Variants in MYO10 observed in about 807,000 individuals in gnomAD.
MYO10 encodes myosin X, also known as unconventional myosin-X.
In MYO10, 133 loss-of-function variants were observed where a neutral mutation model predicts 257.3. The ratio of observed to expected loss-of-function variants is 0.52; its 90% confidence interval spans 0.45 to 0.60. MYO10 has a LOEUF of 0.60. Ranked by LOEUF, MYO10 falls within the 20% of genes least tolerant of loss-of-function variation. The pLI is 0.00. For missense variants in MYO10, 2,399 were observed against 2,635.7 expected, an observed-to-expected ratio of 0.91 and a Z score of 1.97; for synonymous variants, 1,104 against 1,028.6, an observed-to-expected ratio of 1.07 and a Z score of -1.40.
At chr5:16,741,845 A>G in intron 19 of MYO10, 1 of 985,420 alleles carries the variant, frequency 1.0e-6, no homozygotes, top group Non-Finnish European at 1.2e-6. Context: ...TCCACTGTAA[A>G]TAGCTGCATC....
At chr5:16,873,329 G>GT (rs1338318830) in intron 2 of MYO10, among the ~76,000 whole-genome samples, 13 of 152,234 alleles carry the variant, frequency 8.5e-5, no homozygotes, top group African/African-American at 3.1e-4. Context: ...TCACACTGCT[G>GT]TAAGAAGTGG....
At chr5:16,861,777 T>C (rs1474667181) in intron 2 of MYO10, among the ~76,000 whole-genome samples, 1 of 152,154 alleles carries the variant, frequency 6.6e-6, no homozygotes, top group Non-Finnish European at 1.5e-5. Context: ...CACTCCGTCT[T>C]GGAGAACTAA....
At chr5:16,776,387 A>T (rs1406487611) in intron 9 of MYO10, among the ~76,000 whole-genome samples, 3 of 152,110 alleles carry the variant, frequency 2.0e-5, no homozygotes, top group Non-Finnish European at 4.4e-5. Flanking sequence ...TTATAGCAAA[A>T]ATGTCATGTT....
In MYO10 at chr5:16,711,249, A is replaced by G. The variant is rs781372558; in HGVS notation, c.1930-4T>C. ...CCTGGTCAAACTGGTCTGGCATCTA[A>G]ACCATGCAAAAAAAAAAGATGGGAT... On this transcript the variant is annotated splice_region_variant and splice_polypyrimidine_tract_variant and intron_variant, in intron 19 of 40. Transcript: ENST00000513610. The G allele has an allele frequency of 1.3e-6, 2 of 1,522,436 alleles. No homozygotes were observed. The highest frequency in any genetic ancestry group is 4.1e-5 in the Admixed American group (2 of 49,266). 94.3% of individuals were successfully genotyped at this position (1,522,436 alleles called of 1,614,324 possible). A position where few individuals can be genotyped will look rare whatever the true frequency, so the allele number is the denominator to read the frequency against.
chr5:16,852,929 G>A (rs901770033), intron 2 of MYO10, among the ~76,000 whole-genome samples: 4 of 152,090 alleles, frequency 2.6e-5, no homozygotes, highest in African/African-American at 9.7e-5. Flanking sequence ...AGAAATTGAA[G>A]AATAACAACA....
chr5:16,899,302 G>A (rs929325489), intron 1 of MYO10, among the ~76,000 whole-genome samples: 9 of 151,962 alleles, frequency 5.9e-5, no homozygotes, highest in Non-Finnish European at 1.2e-4. Context: ...TTCACCTGAG[G>A]AGACAAGCAG....
At chr5:16,714,610 G>A (rs1738767294) in intron 19 of MYO10, among the ~76,000 whole-genome samples, 10 of 152,182 alleles carry the variant, frequency 6.6e-5, no homozygotes, top group Admixed American at 6.5e-4. Context: ...CCAAATGCAG[G>A]AGATTGAGAC....
chr5:16,722,814 G>A (rs2126602057), intron 19 of MYO10, among the ~76,000 whole-genome samples: 1 of 152,164 alleles, frequency 6.6e-6, no homozygotes, highest in Admixed American at 6.5e-5. Context: ...TTCCCTTAAG[G>A]AAAAAATAGA....
chr5:16,868,232 A>G (rs568793000), intron 2 of MYO10, among the ~76,000 whole-genome samples: 1 of 152,348 alleles, frequency 6.6e-6, no homozygotes, highest in African/African-American at 2.4e-5. Context: ...ATGTTCCAGA[A>G]AAGACAAACG....
chr5:16,755,563 T>C (rs1740505199), intron 18 of MYO10, among the ~76,000 whole-genome samples: 1 of 152,222 alleles, frequency 6.6e-6, no homozygotes, highest in African/African-American at 2.4e-5. Context: ...ATAGCCACTC[T>C]TCCACTGTCA....
intron 1 of MYO10, among the ~76,000 whole-genome samples, chr5:16,931,234 G>A (rs1746286964): frequency 6.6e-6 from 1 of 152,128 alleles, no homozygotes; most frequent in Non-Finnish European, 1.5e-5. Flanking sequence ...TCGCACCATT[G>A]CTCTCCAGCC....
intron 19 of MYO10, among the ~76,000 whole-genome samples, chr5:16,724,104 T>C (rs1739261543): frequency 6.6e-6 from 1 of 152,162 alleles, no homozygotes. Context: ...AGAAATAATG[T>C]AGATTGTCAC....
At chr5:16,697,262 G>C (rs1031388023) in intron 26 of MYO10, among the ~76,000 whole-genome samples, 1 of 151,184 alleles carries the variant, frequency 6.6e-6, no homozygotes, top group African/African-American at 2.4e-5. Flanking sequence ...AGCAGGTGAA[G>C]CAAAAAAGGA....
Position 16,850,809 on chromosome 5 carries a change from C to T in MYO10, c.120+26800G>A, listed in dbSNP as rs928578325. 1.9e-3 allele frequency among the ~76,000 whole-genome samples: 12 copies of T among 6,206 alleles called. No individual in the cohort carries two copies. In the South Asian group the frequency reaches 0.021, roughly 11 times the overall value. 4.1% of individuals were successfully genotyped at this position (6,206 alleles called of 152,430 possible). A position where few individuals can be genotyped will look rare whatever the true frequency, so the allele number is the denominator to read the frequency against. ...ATGGCTTTTTGGAGGGGGTTACGGG[C>T]GGGGGGGTGGGACATGGAGTCTTGC... On this transcript the variant is annotated intron_variant, in intron 2 of 40. Coordinates refer to ENST00000513610, the MANE Select transcript of MYO10 (RefSeq NM_012334.3).
intron 19 of MYO10, among the ~76,000 whole-genome samples, chr5:16,728,552 A>T (rs1739460641): frequency 6.6e-6 from 1 of 152,086 alleles, no homozygotes; most frequent in African/African-American, 2.4e-5. Context: ...CTCCTTCCTG[A>T]ATTAAAAGTT....
At chr5:16,816,242 G>C (rs1353930831) in intron 3 of MYO10, among the ~76,000 whole-genome samples, 2 of 150,654 alleles carry the variant, frequency 1.3e-5, no homozygotes, top group Non-Finnish European at 2.9e-5. Context: ...GGGAGGCTGA[G>C]GCAGGAGAAT....
intron 19 of MYO10, among the ~76,000 whole-genome samples, chr5:16,735,795 A>G (rs1442325241): frequency 6.6e-6 from 1 of 152,082 alleles, no homozygotes; most frequent in African/African-American, 2.4e-5. Context: ...AACTCCAACA[A>G]TATCTTGGCA....
At chr5:16,924,916 C>T (rs1312549441) in intron 1 of MYO10, among the ~76,000 whole-genome samples, 3 of 149,478 alleles carry the variant, frequency 2.0e-5, no homozygotes, top group East Asian at 2.0e-4. Flanking sequence ...CTGCAAGCTC[C>T]GCCTCCCAGG....
intron 4 of MYO10, among the ~76,000 whole-genome samples, chr5:16,787,662 A>G (rs1204676452): frequency 1.4e-5 from 2 of 146,460 alleles, no homozygotes; most frequent in Non-Finnish European, 3.0e-5. Context: ...TGAAAATGTG[A>G]AAACAAACCC....
Sources: gnomAD v4.1 joint callset for allele counts (sites outside exome capture counted in the v4.1 genomes callset) on GRCh38, gnomAD v4.1.1 for gene constraint, MANE v1.5 for transcripts, NCBI Gene and HGNC (gene_info 2026-07-23, HGNC 2026-07-21) for gene names.